Variants in SCAPER observed in about 807,000 individuals in gnomAD.
SCAPER encodes S phase cyclin A-associated protein in the endoplasmic reticulum.
A neutral mutation model predicts 182.2 loss-of-function variants in SCAPER; 98 were observed. That is an observed-to-expected ratio of 0.54 (90% CI 0.46 to 0.64). SCAPER has a LOEUF of 0.64. Ranked by LOEUF, SCAPER falls within the 30% of genes least tolerant of loss-of-function variation. The pLI is 0.00. For synonymous variants in SCAPER, 605 were observed against 564.6 expected, an observed-to-expected ratio of 1.07 and a Z score of -1.01; for missense variants, 1,432 against 1,690.0, an observed-to-expected ratio of 0.85 and a Z score of 2.68.
intron 5 of SCAPER, among the ~76,000 whole-genome samples, chr15:76,818,548 C>T (rs1449222861): frequency 1.3e-5 from 2 of 152,208 alleles, no homozygotes; most frequent in African/African-American, 4.8e-5. Flanking sequence ...AAAAGACATA[C>T]AAGAGACACT....
At chr15:76,368,646 A>G (rs1335093258) in intron 29 of SCAPER, among the ~76,000 whole-genome samples, 1 of 152,190 alleles carries the variant, frequency 6.6e-6, no homozygotes, top group Non-Finnish European at 1.5e-5. Flanking sequence ...CACTAGAGAG[A>G]GCTCAATGGG....
intron 22 of SCAPER, among the ~76,000 whole-genome samples, chr15:76,590,953 C>A (rs138028117): frequency 0.019 from 2,899 of 152,258 alleles, 38 homozygotes; most frequent in South Asian, 0.045. Context: ...AATACTGCAT[C>A]TTCTTTCTTC....
intron 17 of SCAPER, among the ~76,000 whole-genome samples, chr15:76,715,574 C>G (rs2059846409): frequency 6.6e-6 from 1 of 152,088 alleles, no homozygotes; most frequent in South Asian, 2.1e-4. Context: ...ATTCCTGGCT[C>G]CTTGTTGCCA....
At chr15:76,355,389 A>G (rs1333485895) in intron 29 of SCAPER, among the ~76,000 whole-genome samples, 1 of 152,200 alleles carries the variant, frequency 6.6e-6, no homozygotes, top group Non-Finnish European at 1.5e-5. Flanking sequence ...ATGTGCTGCC[A>G]TTTCTGACTC....
chr15:76,761,746 A>G (rs749314854), intron 14 of SCAPER, among the ~76,000 whole-genome samples: 1 of 152,152 alleles, frequency 6.6e-6, no homozygotes, highest in Admixed American at 6.5e-5. Context: ...CTTGAGAAGG[A>G]TGAGTATTCT....
chr15:76,787,767 C>T (rs2064718781), intron 8 of SCAPER, among the ~76,000 whole-genome samples: 1 of 151,934 alleles, frequency 6.6e-6, no homozygotes, highest in Non-Finnish European at 1.5e-5. Context: ...AACTTCCAGG[C>T]AATGTAAGAG....
chr15:76,699,961 G>A lies in SCAPER; in HGVS notation c.2508+1797C>T, dbSNP rs146071595. Among the ~76,000 whole-genome samples the A allele has an allele frequency of 8.4e-3, 1,281 of 152,340 alleles. 36 individuals are homozygous for A. Among genetic ancestry groups the A allele is most frequent in the Admixed American group, 0.057 (876 of 15,300 alleles). On this transcript the variant is annotated intron_variant, in intron 20 of 31. Transcript: ENST00000563290. Reference sequence around the variant, plus strand: ...CATGCAGCTGCCAGAAAGTGGTGGGGAGAGGCTGTGGGTAGTTGCACGCCA... The same window carrying A: ...CATGCAGCTGCCAGAAAGTGGTGGGAAGAGGCTGTGGGTAGTTGCACGCCA...
At chr15:76,438,448 T>C (rs1361377284) in intron 25 of SCAPER, among the ~76,000 whole-genome samples, 1 of 152,196 alleles carries the variant, frequency 6.6e-6, no homozygotes, top group African/African-American at 2.4e-5. Flanking sequence ...AAATCAGATA[T>C]ACAGTTTTAC....
At chr15:76,562,772 A>T (rs1474333654) in intron 23 of SCAPER, among the ~76,000 whole-genome samples, 1 of 152,174 alleles carries the variant, frequency 6.6e-6, no homozygotes, top group East Asian at 1.9e-4. Flanking sequence ...CTTGCTAGAG[A>T]AATTTTTGCA....
chr15:76,641,993 T>C (rs1404550487), intron 21 of SCAPER, among the ~76,000 whole-genome samples: 1 of 152,216 alleles, frequency 6.6e-6, no homozygotes, highest in Non-Finnish European at 1.5e-5. Flanking sequence ...AGGTTAGTTC[T>C]ATGAACCTCA....
At chr15:76,472,970 T>C (rs1233143143) in intron 24 of SCAPER, among the ~76,000 whole-genome samples, 2 of 152,184 alleles carry the variant, frequency 1.3e-5, no homozygotes, top group Middle Eastern at 3.2e-3. Flanking sequence ...CCTCCAGTAA[T>C]TGGTTACCAG....
chr15:76,870,056 G>A (rs950507712), intron 2 of SCAPER, among the ~76,000 whole-genome samples: 1 of 147,688 alleles, frequency 6.8e-6, no homozygotes, highest in African/African-American at 2.4e-5. Flanking sequence ...ATCTCATAAA[G>A]ATATAGAGTA....
intron 25 of SCAPER, among the ~76,000 whole-genome samples, chr15:76,441,722 A>C (rs1349156309): frequency 6.6e-6 from 1 of 152,124 alleles, no homozygotes; most frequent in Non-Finnish European, 1.5e-5. Context: ...TATTTAAAGT[A>C]ATATTTCTCT....
rs746891532 is a variant in SCAPER, at chr15:76,813,227, T to TAAAAA, written c.394-8599_394-8595dup. 6.4e-4 allele frequency among the ~76,000 whole-genome samples: 11 copies of TAAAAA among 17,266 alleles called. 1 individual carries two copies. Among genetic ancestry groups the TAAAAA allele is most frequent in the African/African-American group, 2.1e-3 (9 of 4,244 alleles). 11.3% of individuals were successfully genotyped at this position (17,266 alleles called of 152,430 possible). ...CAGACAGAGTTCAATATCCTTTCAC[T>TAAAAA]AAAAAAAAAAAAAAAAAAAAAAAAA... On this transcript the variant is annotated intron_variant, in intron 5 of 31. Coordinates refer to ENST00000563290, the MANE Select transcript of SCAPER (RefSeq NM_020843.4).
intron 26 of SCAPER, among the ~76,000 whole-genome samples, chr15:76,412,459 T>A (rs1378673530): frequency 6.6e-6 from 1 of 152,150 alleles, no homozygotes; most frequent in Non-Finnish European, 1.5e-5. Context: ...CTCTATAGTT[T>A]CCACTCAATA....
intron 26 of SCAPER, among the ~76,000 whole-genome samples, chr15:76,407,223 C>T (rs2044916545): frequency 6.6e-6 from 1 of 152,160 alleles, no homozygotes; most frequent in Non-Finnish European, 1.5e-5. Context: ...ATGGGATAGC[C>T]TATTGTTCCC....
intron 22 of SCAPER, among the ~76,000 whole-genome samples, chr15:76,576,416 T>C (rs2047825067): frequency 6.6e-6 from 1 of 152,126 alleles, no homozygotes; most frequent in South Asian, 2.1e-4. Flanking sequence ...ATGTACATGA[T>C]CTTATTTAAT....
chr15:76,439,699 C>A (rs1301986857), intron 25 of SCAPER, among the ~76,000 whole-genome samples: 1 of 152,204 alleles, frequency 6.6e-6, no homozygotes, highest in Non-Finnish European at 1.5e-5. Context: ...ACACACCTGA[C>A]TTACCTGAGT....
intron 2 of SCAPER, among the ~76,000 whole-genome samples, chr15:76,879,972 T>C (rs1236005791): frequency 1.3e-5 from 2 of 152,322 alleles, no homozygotes. Context: ...GTCTGGCACA[T>C]AAATATGTAT....
Sources: gnomAD v4.1 joint callset for allele counts (sites outside exome capture counted in the v4.1 genomes callset) on GRCh38, gnomAD v4.1.1 for gene constraint, MANE v1.5 for transcripts, NCBI Gene and HGNC (gene_info 2026-07-23, HGNC 2026-07-21) for gene names.